Variants in GRAMD1A observed in about 807,000 individuals in gnomAD.
GRAMD1A encodes protein Aster-A.
In GRAMD1A, 50 loss-of-function variants were observed where a neutral mutation model predicts 92.0. The ratio of observed to expected loss-of-function variants is 0.54; its 90% CI spans 0.43 to 0.69. The LOEUF is 0.69. Ranked by LOEUF, GRAMD1A falls within the 30% of genes least tolerant of loss-of-function variation. The pLI is 0.00. For missense variants in GRAMD1A, 819 were observed against 978.9 expected (o/e 0.84, Z 2.18); for synonymous variants, 405 against 403.6 (o/e 1.00, Z -0.04).
At chr19:34,998,454 C>A (rs1004004489), upstream of GRAMD1A, 2 of 151,698 alleles carry the variant, frequency 1.3e-5, no homozygotes, top group Non-Finnish European at 2.9e-5. Flanking sequence ...CAGGTGCAAG[C>A]CACTACACCT....
At position 35,009,207 on chromosome 19, in the gene GRAMD1A, C is replaced by G; in HGVS notation, c.97C>G (p.Pro33Ala). 1 of 1,613,810 alleles carries G rather than the reference C, an allele frequency of 6.2e-7. No individual in the cohort carries two copies. Among genetic ancestry groups the G allele is most frequent in the African/African-American group, 1.3e-5 (1 of 75,050 alleles). The change falls in exon 2 of 20, where the codon CCT (proline) becomes GCT (alanine). Residue 33 changes from proline to alanine, a missense_variant. Around this residue, in one of 3 missense-constraint regions of GRAMD1A, gnomAD observed 98 missense variants for 84.0 expected, o/e 1.17. Transcript: ENST00000317991. ...LQLLPPSRPP[P>A]EPEPGTMVEK... ...GCTCCTGCCCCCAAGCCGGCCCCCA[C>G]CTGAGCCAGAACCAGGCACCATGGT...
At chr19:35,004,044 T>C (rs1322742790) in intron 1 of GRAMD1A, among the ~76,000 whole-genome samples, 2 of 152,044 alleles carry the variant, frequency 1.3e-5, no homozygotes, top group East Asian at 3.9e-4. Context: ...CTGGGCAACA[T>C]AGCAAGACCC....
chr19:35,000,420 C>CCCGCG lies in GRAMD1A; in HGVS notation c.-58_-57insCGCGC. 8.7e-7 allele frequency: 1 copy of CCCGCG among 1,150,648 alleles called. No homozygotes were observed. Among genetic ancestry groups the CCCGCG allele is most frequent in the Non-Finnish European group, 1.1e-6 (1 of 951,082 alleles). The allele number at this position is 1,150,648 out of a possible 1,614,324, so 71.3% of individuals were successfully genotyped here. A position where few individuals can be genotyped will look rare whatever the true frequency, so the allele number is the denominator to read the frequency against. Reference sequence around the variant, plus strand: ...CCAGCGCAGCCCAGCCCCGCGCAGCCCAGCCCTGCCCTGCCCTGCCCTGCC... The same window carrying CCCGCG: ...CCAGCGCAGCCCAGCCCCGCGCAGCCCCGCGCAGCCCTGCCCTGCCCTGCCCTGCC... On this transcript the variant is annotated 5_prime_UTR_variant, in exon 1 of 20. Coordinates refer to ENST00000317991, the MANE Select transcript of GRAMD1A (RefSeq NM_020895.5). This position sits in a 1 kb window ranked among gnomAD's most constrained non-coding sequence, Gnocchi z 4.9.
rs756191681 is a variant in GRAMD1A, at chr19:35,026,049, A to C, written c.2083A>C (p.Met695Leu). Residue 695 changes from methionine (M) to leucine (L), a missense_variant and splice_region_variant, in exon 20 of 20, where the codon ATG becomes CTG. Met to Leu is a conservative substitution (Grantham distance 15). Around this residue, in one of 3 missense-constraint regions of GRAMD1A, gnomAD observed 577 missense variants for 674.6 expected, o/e 0.86. Coordinates refer to ENST00000317991, the MANE Select transcript of GRAMD1A (RefSeq NM_020895.5). ...GACCCTGCTCACCTCCTCCCCGCAGATGAAGTTCTCGCTGGAGAAGCTGCA... is the reference window on the plus strand; with the variant it reads ...GACCCTGCTCACCTCCTCCCCGCAGCTGAAGTTCTCGCTGGAGAAGCTGCA... ...LRASVELLDE[M>L]KFSLEKLHQG... 3.8e-6 allele frequency: 6 copies of C among 1,563,166 alleles called. No individual in the cohort carries two copies. The highest frequency in any genetic ancestry group is 4.4e-6 in the Non-Finnish European group (5 of 1,133,830).
intron 1 of GRAMD1A, among the ~76,000 whole-genome samples, chr19:35,005,394 A>T (rs1320210902): frequency 1.3e-5 from 2 of 151,842 alleles, no homozygotes; most frequent in Admixed American, 1.3e-4. Flanking sequence ...AGCCCTGTGG[A>T]TGTGGATGTG....
At chr19:35,016,597 A>G (rs2015647230) in intron 11 of GRAMD1A, among the ~76,000 whole-genome samples, 1 of 93,184 alleles carries the variant, frequency 1.1e-5, no homozygotes, top group Admixed American at 1.6e-4. Flanking sequence ...CTGTCTCAAA[A>G]AAACAGGGGC....
chr19:35,010,354 T>TCA lies in GRAMD1A; in HGVS notation c.501_502insAC (p.Gln168ThrfsTer38). The TCA allele has an allele frequency of 6.2e-7, 1 of 1,613,334 alleles. No individual in the cohort carries two copies. The highest frequency in any genetic ancestry group is 2.2e-5 in the East Asian group (1 of 44,866). On this transcript the variant is annotated frameshift_variant, in exon 6 of 20. Transcript: ENST00000317991. LOFTEE classifies it high-confidence loss of function. ...ACGGCCAAGCTGATCCCCAACGCCATCCAGATCTGCACGGAGAGCGAGAAG... is the reference window on the plus strand; with the variant it reads ...ACGGCCAAGCTGATCCCCAACGCCATCACCAGATCTGCACGGAGAGCGAGAAG...
chr19:35,015,595 T>C, intron 10 of GRAMD1A: 1 of 492,002 alleles, frequency 2.0e-6, no homozygotes, highest in African/African-American at 2.0e-5. Flanking sequence ...GGCCTAGGTG[T>C]GTTCTCCACC....
intron 6 of GRAMD1A, among the ~76,000 whole-genome samples, chr19:35,010,894 G>T (rs1335355704): frequency 6.6e-6 from 1 of 152,080 alleles, no homozygotes; most frequent in Admixed American, 6.6e-5. Context: ...GAGCCCAGGA[G>T]GTTGAGGCTA....
Position 35,013,706 on chromosome 19 carries a change from G to A in GRAMD1A, c.870+15G>A, listed in dbSNP as rs763760136. On this transcript the variant is annotated intron_variant, in intron 9 of 19. Coordinates refer to ENST00000317991, the MANE Select transcript of GRAMD1A (RefSeq NM_020895.5). This position sits in a 1 kb window ranked among gnomAD's most constrained non-coding sequence, Gnocchi z 4.9. ...CAGACCATGGGGTGAGCGGTGGGTTGGAAGAGGGGTGGGATACTGATAGGA... is the reference window on the plus strand; with the variant it reads ...CAGACCATGGGGTGAGCGGTGGGTTAGAAGAGGGGTGGGATACTGATAGGA... 1.4e-5 allele frequency: 23 copies of A among 1,598,104 alleles called. No homozygotes were observed. In the South Asian group the frequency reaches 2.5e-4, roughly 17 times the overall value.
In GRAMD1A at chr19:35,004,732, T is replaced by C. The variant is rs548666270; in HGVS notation, c.8+4246T>C. On this transcript the variant is annotated intron_variant, in intron 1 of 19. Coordinates refer to ENST00000317991, the MANE Select transcript of GRAMD1A (RefSeq NM_020895.5). ...CCCTGTCAGGGTCAGCAGAGCGTCA[T>C]GGGCAGTGGTGCACTGGGCTGGCAG... is the stretch of plus-strand genomic sequence containing the variant. 1.1e-4 allele frequency among the ~76,000 whole-genome samples: 16 copies of C among 152,246 alleles called. No individual in the cohort carries two copies. The East Asian group carries it at 3.1e-3, about 29-fold the overall frequency.
At chr19:34,998,629 A>C (rs1438311658), upstream of GRAMD1A, 3 of 152,080 alleles carry the variant, frequency 2.0e-5, no homozygotes, top group Admixed American at 2.0e-4. Flanking sequence ...TAATTAAAAA[A>C]CTAAAAGCAT....
At chr19:34,995,787 T>C (rs973578216), upstream of GRAMD1A, among the ~76,000 whole-genome samples, 1 of 152,052 alleles carries the variant, frequency 6.6e-6, no homozygotes, top group Non-Finnish European at 1.5e-5. Flanking sequence ...CTTGCTATGC[T>C]GCCCAGACTG....
upstream of GRAMD1A, chr19:34,998,352 G>A (rs1287348273): frequency 1.5e-5 from 2 of 137,668 alleles, no homozygotes; most frequent in African/African-American, 5.6e-5. Context: ...TGTCCAGGCT[G>A]GAGCGCAGTG....
In GRAMD1A at chr19:35,011,498, C is replaced by G; in HGVS notation, c.550C>G (p.Arg184Gly). The G allele has an allele frequency of 1.2e-6, 2 of 1,611,326 alleles. No individual in the cohort carries two copies. Among genetic ancestry groups the G allele is most frequent in the Admixed American group, 1.7e-5 (1 of 60,020 alleles). ...GCATTTCTTCACTTCCTTTGGGGCC[C>G]GTGACCGCTGCTTCCTCCTCATCTT... ...EKHFFTSFGA[R>G]DRCFLLIFRL... Residue 184 changes from arginine to glycine, a missense_variant, in exon 7 of 20, where the codon CGT (arginine) becomes GGT (glycine). Arg to Gly is a moderately radical substitution (Grantham distance 125, BLOSUM62 -2). Coordinates refer to ENST00000317991, the MANE Select transcript of GRAMD1A (RefSeq NM_020895.5).
At chr19:34,995,570 G>GTTTTTCTTTTTTTT (rs1173583059), upstream of GRAMD1A, among the ~76,000 whole-genome samples, 11 of 80,954 alleles carry the variant, frequency 1.4e-4, 1 homozygote, top group Non-Finnish European at 2.7e-4. Flanking sequence ...TCAGATCACG[G>GTTTTTCTTTTTTTT]GTTTTTTTTT....
rs2014264979 is a variant in GRAMD1A, at chr19:35,000,447, T to A, written c.-32T>A. On this transcript the variant is annotated 5_prime_UTR_variant, in exon 1 of 20. Transcript: ENST00000317991. This position sits in a 1 kb window ranked among gnomAD's most constrained non-coding sequence, Gnocchi z 4.9. ...AGCCCTGCCCTGCCCTGCCCTGCCC[T>A]GCGCCCGGGGCGCGCCCACCGCGCC... 1 of 1,249,034 alleles carries A rather than the reference T, an allele frequency of 8.0e-7. No individual in the cohort carries two copies. Among genetic ancestry groups the A allele is most frequent in the Non-Finnish European group, 1.0e-6 (1 of 993,060 alleles). 77.4% of individuals were successfully genotyped at this position (1,249,034 alleles called of 1,614,324 possible).
At chr19:35,004,241 TG>T (rs1225137084) in intron 1 of GRAMD1A, among the ~76,000 whole-genome samples, 3 of 152,032 alleles carry the variant, frequency 2.0e-5, no homozygotes, top group African/African-American at 7.3e-5. Context: ...ACCATGATTT[TG>T]CCACTGTACT....
intron 1 of GRAMD1A, among the ~76,000 whole-genome samples, chr19:35,008,461 C>T (rs1241488069): frequency 1.3e-5 from 2 of 151,812 alleles, no homozygotes; most frequent in African/African-American, 4.8e-5. Flanking sequence ...AGGCTGAGGC[C>T]AGAGGATCAC....
Sources: allele counts gnomAD v4.1 joint callset (sites outside exome capture counted in the v4.1 genomes callset), GRCh38; gene constraint gnomAD v4.1.1; regional missense constraint gnomAD v4.1.1; non-coding constraint Gnocchi (gnomAD v3.1); transcripts MANE v1.5; gene names NCBI Gene and HGNC (gene_info 2026-07-23, HGNC 2026-07-21).